DNMBP: variants seen among roughly 807,000 people sequenced by gnomAD.
DNMBP encodes the protein dynamin-binding protein.
Under a neutral mutation model 150.0 loss-of-function variants are expected in DNMBP, and 87 were observed. The observed-to-expected ratio is 0.58, with a 90% CI of 0.49 to 0.69. The LOEUF is 0.69. DNMBP is among the 30% of genes least tolerant of loss of function. The probability of loss-of-function intolerance (pLI) is 0.00; values close to 1 mark genes in which losing one functional copy is unlikely to be tolerated. For missense variants in DNMBP, 1,774 were observed against 1,949.0 expected, an observed-to-expected ratio of 0.91 and a Z score of 1.69; for synonymous variants, 711 against 750.4, an observed-to-expected ratio of 0.95 and a Z score of 0.86.
chr10:99,952,147 G>A (rs1469527911), intron 4 of DNMBP, among the ~76,000 whole-genome samples: 1 of 152,146 alleles, frequency 6.6e-6, no homozygotes, highest in Non-Finnish European at 1.5e-5. Context: ...GACGTGACTT[G>A]CTCCTCCTTG....
intron 4 of DNMBP, among the ~76,000 whole-genome samples, chr10:99,933,471 C>T (rs2040183827): frequency 6.6e-6 from 1 of 152,046 alleles, no homozygotes; most frequent in Non-Finnish European, 1.5e-5. Context: ...AAACAGTTAC[C>T]CTGTTGAAAA....
At chr10:99,927,411 T>A (rs1173504850) in intron 4 of DNMBP, 1 of 152,178 alleles carries the variant, frequency 6.6e-6, no homozygotes, top group East Asian at 1.9e-4. Context: ...TATTTTTCTA[T>A]CTCATTATGA....
At chr10:99,888,276 T>C (rs1052845133) in intron 12 of DNMBP, among the ~76,000 whole-genome samples, 1 of 151,984 alleles carries the variant, frequency 6.6e-6, no homozygotes, top group Non-Finnish European at 1.5e-5. Flanking sequence ...AGTGGTGCTA[T>C]CTTGGTTCAT....
rs1370377159 is a variant in DNMBP, at chr10:99,909,099, C to T, written c.2308G>A (p.Gly770Arg). 1.2e-6 allele frequency: 2 copies of T among 1,614,024 alleles called. No homozygotes were observed. Among genetic ancestry groups the T allele is most frequent in the East Asian group, 2.2e-5 (1 of 44,888 alleles). The change falls in exon 5 of 17, where the codon GGG becomes AGG. Residue 770 changes from glycine (G) to arginine (R), a missense_variant. Transcript: ENST00000324109. Reference sequence around the variant, plus strand: ...TCTGGATTTTCGGCAGACACAGACCCAGAAGGGGCCACCAGTGATGAAGAC... The same window carrying T: ...TCTGGATTTTCGGCAGACACAGACCTAGAAGGGGCCACCAGTGATGAAGAC... Reference protein sequence around the residue: ...SQSSSLVAPSGSVSAENPEQR... With the variant: ...SQSSSLVAPSRSVSAENPEQR...
intron 1 of DNMBP, among the ~76,000 whole-genome samples, chr10:100,005,786 C>CAAAAAAAAAAAAAAAAAAAAAAAAAAAAA (rs1589458237): frequency 2.0e-5 from 2 of 101,078 alleles, no homozygotes; most frequent in African/African-American, 4.8e-5. Flanking sequence ...AAAAAAAAAC[C>CAAAAAAAAAAAAAAAAAAAAAAAAAAAAA]AAACTACATA....
chr10:99,977,248 T>C (rs11815082), intron 1 of DNMBP, among the ~76,000 whole-genome samples: 1,934 of 152,328 alleles, frequency 0.013, 44 homozygotes, highest in African/African-American at 0.043. Flanking sequence ...CCCAAAAGTA[T>C]GTATAATATG....
intron 8 of DNMBP, 120 bp from the exon 9 acceptor site, chr10:99,898,405 A>G: frequency 1.3e-6 from 1 of 784,448 alleles, no homozygotes; most frequent in Non-Finnish European, 2.2e-6. Flanking sequence ...ATGTACACCT[A>G]TGGGCAGGAT....
chr10:99,957,268 T>G (rs1197730631), intron 3 of DNMBP, 63 bp from the exon 4 acceptor site: 1 of 1,406,664 alleles, frequency 7.1e-7, no homozygotes, highest in East Asian at 2.4e-5. Flanking sequence ...TTATCACGAC[T>G]AATAGTGCAA....
intron 1 of DNMBP, among the ~76,000 whole-genome samples, chr10:99,980,202 T>C (rs1318347348): frequency 6.6e-6 from 1 of 152,138 alleles, no homozygotes; most frequent in Non-Finnish European, 1.5e-5. Flanking sequence ...CTCAGCACTT[T>C]GGGAGGCTGA....
intron 1 of DNMBP, among the ~76,000 whole-genome samples, chr10:99,973,365 G>A (rs184532611): frequency 6.6e-6 from 1 of 152,270 alleles, no homozygotes; most frequent in African/African-American, 2.4e-5. Flanking sequence ...AGCAAATGTA[G>A]GCTTTTCAGA....
intron 4 of DNMBP, chr10:99,930,747 T>G (rs1201466130): frequency 3.0e-6 from 2 of 673,522 alleles, no homozygotes; most frequent in African/African-American, 3.6e-5. Context: ...TTTTCTAGCC[T>G]TCTGGGTTTC....
intron 14 of DNMBP, 69 bp from the exon 15 acceptor site, chr10:99,884,278 A>C: frequency 7.3e-7 from 1 of 1,377,286 alleles, no homozygotes; most frequent in African/African-American, 1.4e-5. Context: ...TCATCCCAAC[A>C]TGTGGCCAGT....
At chr10:100,008,596 G>T (rs971685734) in intron 1 of DNMBP, among the ~76,000 whole-genome samples, 9 of 152,230 alleles carry the variant, frequency 5.9e-5, no homozygotes, top group Admixed American at 3.3e-4. Flanking sequence ...CCATTATGCA[G>T]AATTCTAAAA....
At chr10:99,969,316 T>C in intron 2 of DNMBP, 79 bp from the exon 3 acceptor site, 1 of 1,492,498 alleles carries the variant, frequency 6.7e-7, no homozygotes, top group Non-Finnish European at 9.2e-7. Context: ...AAAACTTTTC[T>C]TCTGAGTCCA....
At chr10:99,895,673 TC>T (rs1157952858) in intron 10 of DNMBP, among the ~76,000 whole-genome samples, 1 of 152,160 alleles carries the variant, frequency 6.6e-6, no homozygotes, top group African/African-American at 2.4e-5. Flanking sequence ...TGGCAGGTCT[TC>T]TCCCTCCCTG....
chr10:99,900,926 T>C (rs1277194986), intron 6 of DNMBP, among the ~76,000 whole-genome samples: 4 of 152,168 alleles, frequency 2.6e-5, no homozygotes, highest in Admixed American at 1.3e-4. Context: ...ACTTATGATA[T>C]AGTAACCTAT....
intron 4 of DNMBP, among the ~76,000 whole-genome samples, chr10:99,922,017 G>C (rs560350873): frequency 7.9e-5 from 12 of 152,122 alleles, no homozygotes; most frequent in African/African-American, 2.6e-4. Flanking sequence ...TGAGAAGAAA[G>C]GGGTGTCTGA....
At chr10:99,965,548 A>T (rs2040612141) in intron 3 of DNMBP, among the ~76,000 whole-genome samples, 2 of 143,590 alleles carry the variant, frequency 1.4e-5, no homozygotes, top group Admixed American at 7.4e-5. Context: ...CCCAGGCTGG[A>T]CTGCAGTGGC....
At chr10:99,929,655 C>T (rs778648897) in intron 4 of DNMBP, 204 of 701,644 alleles carry the variant, frequency 2.9e-4, no homozygotes, top group Middle Eastern at 4.6e-4. Flanking sequence ...CCTCAGGGTG[C>T]TGGGTGCTGT....
Sources: allele counts gnomAD v4.1 joint callset (sites outside exome capture counted in the v4.1 genomes callset), GRCh38; gene constraint gnomAD v4.1.1; transcripts MANE v1.5; gene names NCBI Gene and HGNC (gene_info 2026-07-23, HGNC 2026-07-21).